Variants in TRIM44 observed in about 807,000 individuals in gnomAD.
The protein encoded by TRIM44 is tripartite motif containing 44, also known as tripartite motif-containing protein 44.
TRIM44 carries 13 observed loss-of-function variants against 37.4 expected under a neutral mutation model. The ratio of observed to expected loss-of-function variants is 0.35; its 90% CI spans 0.23 to 0.55. The LOEUF is 0.55. Among genes scored for constraint, TRIM44 ranks in the 20% least tolerant of loss-of-function variants. TRIM44 has a pLI of 0.89. For missense variants in TRIM44, 426 were observed against 437.2 expected, an observed-to-expected ratio of 0.97 and a Z score of 0.23; for synonymous variants, 175 against 157.2, an observed-to-expected ratio of 1.11 and a Z score of -0.85.
chr11:35,731,012 A>G (rs560093620), intron 3 of TRIM44, among the ~76,000 whole-genome samples: 13 of 152,218 alleles, frequency 8.5e-5, no homozygotes, highest in Admixed American at 2.6e-4. Flanking sequence ...AGGATTTTCT[A>G]TATCAGCAAT....
chr11:35,766,311 C>T (rs1415667269), intron 4 of TRIM44, among the ~76,000 whole-genome samples: 5 of 152,090 alleles, frequency 3.3e-5, no homozygotes, highest in African/African-American at 1.2e-4. Flanking sequence ...CAGTCAGCTA[C>T]AGTAAAAAAG....
At chr11:35,688,026 C>T (rs562640506) in intron 2 of TRIM44, among the ~76,000 whole-genome samples, 5 of 152,300 alleles carry the variant, frequency 3.3e-5, no homozygotes, top group African/African-American at 1.2e-4. Context: ...TATATAATTT[C>T]TGCACAAAGA....
rs763457480 is a variant in TRIM44 at position 35,811,688 on chromosome 11, C to T, written c.*5303C>T. On this transcript the variant is annotated 3_prime_UTR_variant, in exon 5 of 5. Coordinates refer to ENST00000299413, the MANE Select transcript of TRIM44 (RefSeq NM_017583.6). ...TGAATTAGAAAATACCAAGCCCTGC[C>T]TAAATGCATTAAAATTTAATGTTTA... 1 of 152,156 alleles carries T rather than the reference C, an allele frequency of 6.6e-6. No individual in the cohort carries two copies. Among genetic ancestry groups the T allele is most frequent in the African/African-American group, 2.4e-5 (1 of 41,450 alleles). 9.4% of individuals were successfully genotyped at this position (152,156 alleles called of 1,614,324 possible).
At chr11:35,728,377 A>G (rs912757176) in intron 3 of TRIM44, among the ~76,000 whole-genome samples, 16 of 152,118 alleles carry the variant, frequency 1.1e-4, no homozygotes, top group African/African-American at 3.1e-4. Flanking sequence ...ATTTTAATCT[A>G]TGAATTTAGT....
In TRIM44 at chr11:35,699,255, C is replaced by T. The variant is rs1442402390; in HGVS notation, c.747+13919C>T. 2.0e-5 allele frequency among the ~76,000 whole-genome samples: 3 copies of T among 152,070 alleles called. No individual in the cohort carries two copies. The East Asian group carries it at 5.8e-4, about 29-fold the overall frequency. Reference sequence around the variant, plus strand: ...CTTTGTTCTTTTGGCTTAGGATTGACTTGGCAATGGGCTTCATCCCTGGGA... The same window carrying T: ...CTTTGTTCTTTTGGCTTAGGATTGATTTGGCAATGGGCTTCATCCCTGGGA... On this transcript the variant is annotated intron_variant, in intron 2 of 4. Transcript: ENST00000299413.
chr11:35,779,860 T>TTC (rs1853036756), intron 4 of TRIM44, among the ~76,000 whole-genome samples: 1 of 145,268 alleles, frequency 6.9e-6, no homozygotes, highest in Non-Finnish European at 1.5e-5. Context: ...AGGGAGATCT[T>TTC]TCCCCTTTGC....
At position 35,688,852 on chromosome 11, in the gene TRIM44, A is replaced by G. The variant is rs553240813; in HGVS notation, c.747+3516A>G. ...AGGTGATGCTGATGTTGCTGTTTCA[A>G]GTACCACACTTTGAGAACCTCTGTG... On this transcript the variant is annotated intron_variant, in intron 2 of 4. Transcript: ENST00000299413. Among the ~76,000 whole-genome samples the G allele has an allele frequency of 2.0e-5, 3 of 152,366 alleles. No homozygotes were observed. The South Asian group carries it at 6.2e-4, about 32-fold the overall frequency.
chr11:35,731,284 A>G (rs1486891408), intron 3 of TRIM44, among the ~76,000 whole-genome samples: 4 of 152,178 alleles, frequency 2.6e-5, no homozygotes, highest in Non-Finnish European at 5.9e-5. Flanking sequence ...GAGGGCTTTT[A>G]TACAAACTGA....
intron 4 of TRIM44, among the ~76,000 whole-genome samples, chr11:35,802,997 A>C (rs577983981): frequency 3.7e-4 from 57 of 152,316 alleles, no homozygotes; most frequent in African/African-American, 1.3e-3. Context: ...ATAAGAAGGA[A>C]GGTGGGTTGA....
intron 4 of TRIM44, among the ~76,000 whole-genome samples, chr11:35,753,951 A>ACTC (rs754874701): frequency 1.3e-4 from 20 of 151,940 alleles, no homozygotes; most frequent in Admixed American, 2.6e-4. Flanking sequence ...CTGGTCTCAA[A>ACTC]CTCCTGACCT....
chr11:35,725,851 G>A (rs1330420121), intron 2 of TRIM44, 73 bp from the exon 3 acceptor site: 8 of 1,559,240 alleles, frequency 5.1e-6, no homozygotes, highest in Non-Finnish European at 7.0e-6. Flanking sequence ...GGCCAGGGCT[G>A]TATAGTAATA....
At chr11:35,755,566 T>C (rs1164946062) in intron 4 of TRIM44, among the ~76,000 whole-genome samples, 1 of 152,206 alleles carries the variant, frequency 6.6e-6, no homozygotes, top group Non-Finnish European at 1.5e-5. Context: ...GTTTTAGACA[T>C]GAAGTCCTTG....
chr11:35,694,950 A>G (rs577237042), intron 2 of TRIM44, among the ~76,000 whole-genome samples: 2 of 152,308 alleles, frequency 1.3e-5, no homozygotes, highest in East Asian at 1.9e-4. Context: ...GTGTTATAAC[A>G]TTAGTCCTCT....
intron 4 of TRIM44, among the ~76,000 whole-genome samples, chr11:35,773,921 A>G (rs1171550432): frequency 6.6e-6 from 1 of 152,190 alleles, no homozygotes; most frequent in African/African-American, 2.4e-5. Context: ...GAATAGTGCC[A>G]CAATAAACAT....
intron 2 of TRIM44, among the ~76,000 whole-genome samples, chr11:35,693,542 T>C (rs545092194): frequency 6.6e-6 from 1 of 152,076 alleles, no homozygotes; most frequent in African/African-American, 2.4e-5. Flanking sequence ...TTCTTTAAAG[T>C]CTTAGTTTGA....
chr11:35,761,236 G>C lies in TRIM44; in HGVS notation c.1007+25791G>C, dbSNP rs79297280. On this transcript the variant is annotated intron_variant, in intron 4 of 4. Transcript: ENST00000299413. ...TGATTCCACATCTTGGCTATTGCAA[G>C]TATAATTTATCTTTGGACTTACCAC... Among the ~76,000 whole-genome samples the C allele has an allele frequency of 4.5e-4, 68 of 152,156 alleles. No homozygotes were observed. The East Asian group carries it at 7.7e-3, about 17-fold the overall frequency.
At chr11:35,737,563 C>T (rs949217539) in intron 4 of TRIM44, among the ~76,000 whole-genome samples, 3 of 152,090 alleles carry the variant, frequency 2.0e-5, no homozygotes, top group African/African-American at 7.2e-5. Flanking sequence ...AGGTCGGGCA[C>T]AGTGGCTCAC....
intron 4 of TRIM44, among the ~76,000 whole-genome samples, chr11:35,781,247 T>C (rs1853062338): frequency 6.6e-6 from 1 of 151,602 alleles, no homozygotes; most frequent in Admixed American, 6.6e-5. Context: ...GTTTTAGCCT[T>C]TTTTTTTAAT....
At chr11:35,705,770 G>A (rs1017613456) in intron 2 of TRIM44, among the ~76,000 whole-genome samples, 15 of 147,590 alleles carry the variant, frequency 1.0e-4, no homozygotes, top group African/African-American at 3.4e-4. Context: ...GCAGTGTGTA[G>A]AGGGAAATTT....
Sources: gnomAD v4.1 joint callset for allele counts (sites outside exome capture counted in the v4.1 genomes callset) on GRCh38, gnomAD v4.1.1 for gene constraint, MANE v1.5 for transcripts, NCBI Gene and HGNC (gene_info 2026-07-23, HGNC 2026-07-21) for gene names.